FBXL7: variants seen among roughly 807,000 people sequenced by gnomAD.
FBXL7 encodes the protein F-box and leucine rich repeat protein 7.
FBXL7 carries 12 observed loss-of-function variants against 38.3 expected under a neutral mutation model. That is an observed-to-expected ratio of 0.31 (90% confidence interval 0.20 to 0.51). The LOEUF is 0.51. Among genes scored for constraint, FBXL7 ranks in the 20% least tolerant of loss-of-function variants. The pLI, the probability that FBXL7 is intolerant of heterozygous loss-of-function variation, is 0.98. For missense variants in FBXL7, 567 were observed against 676.4 expected, an observed-to-expected ratio of 0.84 and a Z score of 1.79; for synonymous variants, 297 against 300.9, an observed-to-expected ratio of 0.99 and a Z score of 0.13.
At chr5:15,626,607 G>A (rs541554950) in intron 2 of FBXL7, among the ~76,000 whole-genome samples, 6 of 150,750 alleles carry the variant, frequency 4.0e-5, no homozygotes, top group Non-Finnish European at 8.9e-5. Flanking sequence ...AAATTGTAAA[G>A]TAATATTTAA....
chr5:15,817,633 C>T (rs1210034359), intron 2 of FBXL7, among the ~76,000 whole-genome samples: 3 of 152,100 alleles, frequency 2.0e-5, no homozygotes, highest in Non-Finnish European at 4.4e-5. Flanking sequence ...ATGCTGCTCT[C>T]ATAACAGTGA....
intron 2 of FBXL7, among the ~76,000 whole-genome samples, chr5:15,703,206 A>T (rs1743583519): frequency 6.6e-6 from 1 of 152,196 alleles, no homozygotes; most frequent in Admixed American, 6.5e-5. Context: ...TGCTAAATGG[A>T]GCTTACTAAT....
rs139888194 is a variant in FBXL7 at position 15,579,762 on chromosome 5, A to G, written c.38-36221A>G. Among the ~76,000 whole-genome samples, 700 of 152,194 alleles carry G rather than the reference A, an allele frequency of 4.6e-3. 4 individuals carry two copies. The highest frequency in any genetic ancestry group is 0.021 in the South Asian group (103 of 4,818). ...GCTGAGAATGGCAGAACTGGACAGG[A>G]CCAGCTTTCCCTCTCTTTTGTCCTC... On this transcript the variant is annotated intron_variant, in intron 1 of 3. Transcript: ENST00000504595.
At chr5:15,707,048 G>A (rs1010740453) in intron 2 of FBXL7, among the ~76,000 whole-genome samples, 2 of 151,960 alleles carry the variant, frequency 1.3e-5, no homozygotes, top group Non-Finnish European at 2.9e-5. Context: ...ACAGAATGCC[G>A]ACCTGGAACT....
chr5:15,649,677 A>G (rs1235436100), intron 2 of FBXL7, among the ~76,000 whole-genome samples: 1 of 150,722 alleles, frequency 6.6e-6, no homozygotes, highest in Non-Finnish European at 1.5e-5. Flanking sequence ...CTGATCTGCA[A>G]ATCTTTAAAT....
At chr5:15,695,266 A>G (rs556242571) in intron 2 of FBXL7, among the ~76,000 whole-genome samples, 1 of 151,986 alleles carries the variant, frequency 6.6e-6, no homozygotes, top group Non-Finnish European at 1.5e-5. Flanking sequence ...CCCCCAAAAC[A>G]GCTCCCTGTG....
chr5:15,729,226 C>T (rs1191816781), intron 2 of FBXL7, among the ~76,000 whole-genome samples: 3 of 152,062 alleles, frequency 2.0e-5, no homozygotes, highest in Admixed American at 1.3e-4. Context: ...CCACATGATC[C>T]GTGCCTTCAT....
At chr5:15,932,209 T>C (rs1742054893) in intron 3 of FBXL7, among the ~76,000 whole-genome samples, 1 of 152,122 alleles carries the variant, frequency 6.6e-6, no homozygotes, top group African/African-American at 2.4e-5. Flanking sequence ...AGTGAGGTGG[T>C]TGGGAGGATT....
intron 2 of FBXL7, among the ~76,000 whole-genome samples, chr5:15,727,172 G>A (rs1735430531): frequency 6.6e-6 from 1 of 151,526 alleles, no homozygotes; most frequent in Non-Finnish European, 1.5e-5. Flanking sequence ...TTATACATTT[G>A]TTTCCTAAAG....
rs527666916 is a variant in FBXL7, at chr5:15,730,643, A to T, written c.127+114571A>T. Among the ~76,000 whole-genome samples, 14 of 152,296 alleles carry T rather than the reference A, an allele frequency of 9.2e-5. No individual in the cohort carries two copies. In the East Asian group the frequency reaches 2.7e-3, roughly 29 times the overall value. On this transcript the variant is annotated intron_variant, in intron 2 of 3. Transcript: ENST00000504595. The stretch of plus-strand genomic sequence containing the variant: ...ATTTGGTTTGGTTTTAGGAATATAG[A>T]TATAATCATATCATTGTATGAAACC...
chr5:15,608,416 A>T (rs1469432038), intron 1 of FBXL7, among the ~76,000 whole-genome samples: 2 of 152,186 alleles, frequency 1.3e-5, no homozygotes, highest in Non-Finnish European at 2.9e-5. Flanking sequence ...TCACCTGAGC[A>T]TGTTGCTTGG....
In FBXL7 at chr5:15,762,563, C is replaced by T. The variant is rs573116538; in HGVS notation, c.127+146491C>T. 7.2e-5 allele frequency among the ~76,000 whole-genome samples: 11 copies of T among 152,206 alleles called. No individual in the cohort carries two copies. In the South Asian group the frequency reaches 2.3e-3, roughly 32 times the overall value. ...CTTAATATTATTAGCTCTGTGACCT[C>T]GGGTGTATTATTTAACCTCCCCTAA... On this transcript the variant is annotated intron_variant, in intron 2 of 3. Transcript: ENST00000504595.
intron 2 of FBXL7, among the ~76,000 whole-genome samples, chr5:15,645,825 A>G (rs1171434332): frequency 2.0e-5 from 3 of 152,236 alleles, no homozygotes; most frequent in Non-Finnish European, 4.4e-5. Context: ...TTCTGCCAGT[A>G]ACAAAATGAC....
chr5:15,781,201 G>A (rs966680672), intron 2 of FBXL7, among the ~76,000 whole-genome samples: 8 of 152,072 alleles, frequency 5.3e-5, no homozygotes, highest in Non-Finnish European at 1.0e-4. Flanking sequence ...ATATGTTAAG[G>A]GAGGTTTTAC....
chr5:15,804,327 G>T (rs910316577), intron 2 of FBXL7, among the ~76,000 whole-genome samples: 1 of 152,034 alleles, frequency 6.6e-6, no homozygotes, highest in Admixed American at 6.6e-5. Flanking sequence ...GAACTAGCCA[G>T]GCATGGTGGC....
intron 2 of FBXL7, among the ~76,000 whole-genome samples, chr5:15,680,623 G>T (rs1355075708): frequency 2.6e-5 from 4 of 152,150 alleles, no homozygotes; most frequent in African/African-American, 9.7e-5. Context: ...AAATAATTAG[G>T]CAGATAATTG....
At chr5:15,554,941 A>T (rs924342743) in intron 1 of FBXL7, among the ~76,000 whole-genome samples, 8 of 152,228 alleles carry the variant, frequency 5.3e-5, no homozygotes, top group African/African-American at 1.9e-4. Context: ...AAAAAGTCAG[A>T]GTCACGCTGT....
In FBXL7 at chr5:15,567,362, A is replaced by G. The variant is rs368636835; in HGVS notation, c.38-48621A>G. On this transcript the variant is annotated intron_variant, in intron 1 of 3. Transcript: ENST00000504595. The stretch of plus-strand genomic sequence containing the variant: ...AGGTCATAAATTTTAGCAATATAAA[A>G]AGATATTTGTTTTTTCTTCCAAGCT... 8.5e-5 allele frequency among the ~76,000 whole-genome samples: 13 copies of G among 152,210 alleles called. 1 individual carries two copies. In the South Asian group the frequency reaches 2.7e-3, roughly 32 times the overall value.
chr5:15,538,271 A>G (rs766000861), intron 1 of FBXL7, among the ~76,000 whole-genome samples: 2 of 152,204 alleles, frequency 1.3e-5, no homozygotes, highest in African/African-American at 2.4e-5. Context: ...ATAACGACCT[A>G]CAGGAAAAAA....
Sources: allele counts gnomAD v4.1 joint callset (sites outside exome capture counted in the v4.1 genomes callset), GRCh38; gene constraint gnomAD v4.1.1; transcripts MANE v1.5; gene names NCBI Gene and HGNC (gene_info 2026-07-23, HGNC 2026-07-21).